SKAP2: variants seen among roughly 807,000 people sequenced by gnomAD.
SKAP2 encodes the protein src kinase-associated phosphoprotein 2.
Under a neutral mutation model 54.9 loss-of-function variants are expected in SKAP2, and 28 were observed. The ratio of observed to expected loss-of-function variants is 0.51; its 90% CI spans 0.38 to 0.70. The LOEUF (loss-of-function observed/expected upper bound fraction) is 0.70, where lower values mean the gene tolerates loss of function less well. Among genes scored for constraint, SKAP2 ranks in the 30% least tolerant of loss-of-function variants. SKAP2 has a pLI of 0.00. For synonymous variants in SKAP2, 137 were observed against 134.3 expected (o/e 1.02, Z -0.14); for missense variants, 356 against 424.1 (o/e 0.84, Z 1.41).
intron 6 of SKAP2, among the ~76,000 whole-genome samples, chr7:26,728,433 G>A (rs1787754822): frequency 6.6e-6 from 1 of 152,056 alleles, no homozygotes; most frequent in South Asian, 2.1e-4. Flanking sequence ...TTTGTCCGCG[G>A]AATCATTTTT....
chr7:26,814,598 T>C lies in SKAP2; in HGVS notation c.307+29432A>G, dbSNP rs986844353. ...AAAAAAAAAAGATTCAGTGTAAATATTTCCAACACATCAGTATCCTGCCAT... is the reference window on the plus strand; with the variant it reads ...AAAAAAAAAAGATTCAGTGTAAATACTTCCAACACATCAGTATCCTGCCAT... On this transcript the variant is annotated intron_variant, in intron 4 of 12. Transcript: ENST00000345317. Among the ~76,000 whole-genome samples the C allele has an allele frequency of 4.6e-5, 7 of 151,162 alleles. No homozygotes were observed. The East Asian group carries it at 9.7e-4, about 21-fold the overall frequency.
chr7:26,796,117 T>C (rs971285922), intron 4 of SKAP2, among the ~76,000 whole-genome samples: 4 of 152,350 alleles, frequency 2.6e-5, no homozygotes, highest in Non-Finnish European at 5.9e-5. Flanking sequence ...ATATCTATTA[T>C]AAAAAGTTAG....
intron 9 of SKAP2, among the ~76,000 whole-genome samples, chr7:26,693,840 A>T (rs2127942406): frequency 6.6e-6 from 1 of 152,326 alleles, no homozygotes; most frequent in African/African-American, 2.4e-5. Context: ...TAGCTTCCAT[A>T]TAAAAGATAA....
chr7:26,837,896 ACT>A (rs1247129133), intron 4 of SKAP2, among the ~76,000 whole-genome samples: 1 of 152,070 alleles, frequency 6.6e-6, no homozygotes, highest in African/African-American at 2.4e-5. Flanking sequence ...GGAAAAAGTA[ACT>A]CTTTTAAGAG....
intron 4 of SKAP2, among the ~76,000 whole-genome samples, chr7:26,826,482 T>A (rs542589802): frequency 2.6e-5 from 4 of 152,332 alleles, no homozygotes; most frequent in African/African-American, 9.6e-5. Context: ...TGAGTTGGGT[T>A]TCTTTTTCTG....
At chr7:26,784,173 C>A (rs1783488884) in intron 4 of SKAP2, among the ~76,000 whole-genome samples, 1 of 151,898 alleles carries the variant, frequency 6.6e-6, no homozygotes, top group African/African-American at 2.4e-5. Flanking sequence ...ACTTTCCATC[C>A]TTTAAAGCCC....
intron 4 of SKAP2, among the ~76,000 whole-genome samples, chr7:26,767,808 G>T (rs1783094565): frequency 6.6e-6 from 1 of 152,166 alleles, no homozygotes; most frequent in Admixed American, 6.5e-5. Flanking sequence ...TAATTTGCTT[G>T]CACTGTGGTC....
chr7:26,691,493 TTCAATCAATCAG>T (rs1345452878), intron 9 of SKAP2, among the ~76,000 whole-genome samples: 2 of 152,232 alleles, frequency 1.3e-5, no homozygotes, highest in Non-Finnish European at 2.9e-5. Context: ...ATTGTAACTA[TTCAATCAATCAG>T]TCAATCAATC....
chr7:26,784,999 T>G (rs1783511426), intron 4 of SKAP2, among the ~76,000 whole-genome samples: 1 of 152,136 alleles, frequency 6.6e-6, no homozygotes, highest in Admixed American at 6.5e-5. Flanking sequence ...TCTGTAAAAT[T>G]CTTCCAATTC....
chr7:26,696,638 T>C (rs1484539789), intron 9 of SKAP2, among the ~76,000 whole-genome samples: 2 of 152,154 alleles, frequency 1.3e-5, no homozygotes, highest in African/African-American at 2.4e-5. Flanking sequence ...AAATAAGCAA[T>C]AGTTGTTCAA....
rs775819356 is a variant in SKAP2 at position 26,738,817 on chromosome 7, G to C, written c.447C>G (p.Phe149Leu). Residue 149 changes from phenylalanine to leucine, a missense_variant, in exon 6 of 13, where the codon TTC (phenylalanine) becomes TTG (leucine). Transcript: ENST00000345317. ...KRWCALSKTV[F>L]YYYGSDKDKQ... Reference sequence around the variant, plus strand: ...TACCTTTATCACTTCCATAATAATAGAATACCGTTTTACTGAGAGCACACC... The same window carrying C: ...TACCTTTATCACTTCCATAATAATACAATACCGTTTTACTGAGAGCACACC... 6.2e-6 allele frequency: 10 copies of C among 1,600,126 alleles called. No individual in the cohort carries two copies. In the Admixed American group the frequency reaches 1.3e-4, roughly 21 times the overall value.
rs73276789 is a variant in SKAP2, at chr7:26,673,874, A to C, written c.988-3682T>G. 9.9e-3 allele frequency among the ~76,000 whole-genome samples: 1,502 copies of C among 152,208 alleles called. 24 individuals carry two copies. Among genetic ancestry groups the C allele is most frequent in the African/African-American group, 0.034 (1,431 of 41,554 alleles). On this transcript the variant is annotated intron_variant, in intron 11 of 12. Transcript: ENST00000345317. Reference sequence around the variant, plus strand: ...AAAGGACTAGTTATGATAAAGTGAAACAGAGACTTTATCCAACATAATAGT... The same window carrying C: ...AAAGGACTAGTTATGATAAAGTGAACCAGAGACTTTATCCAACATAATAGT...
At chr7:26,724,051 C>T (rs1356424576) in intron 9 of SKAP2, among the ~76,000 whole-genome samples, 1 of 152,068 alleles carries the variant, frequency 6.6e-6, no homozygotes, top group Non-Finnish European at 1.5e-5. Flanking sequence ...CATGTAGCTC[C>T]ACTAAACAAC....
intron 11 of SKAP2, among the ~76,000 whole-genome samples, chr7:26,680,658 C>T (rs989691658): frequency 3.3e-5 from 5 of 152,026 alleles, no homozygotes; most frequent in Non-Finnish European, 4.4e-5. Flanking sequence ...TTAATTTTAA[C>T]ACATAAAAAA....
intron 4 of SKAP2, among the ~76,000 whole-genome samples, chr7:26,836,166 TC>T (rs1231476490): frequency 6.6e-6 from 1 of 152,186 alleles, no homozygotes; most frequent in Non-Finnish European, 1.5e-5. Flanking sequence ...CTGGACCCCT[TC>T]CTTACATCTT....
At chr7:26,685,790 C>G (rs1786624726) in intron 10 of SKAP2, among the ~76,000 whole-genome samples, 1 of 152,160 alleles carries the variant, frequency 6.6e-6, no homozygotes, top group Non-Finnish European at 1.5e-5. Flanking sequence ...ACACTAAGAA[C>G]TGTTTCCTGT....
Position 26,684,820 on chromosome 7 carries a change from A to G in SKAP2, c.903T>C (p.Phe301=), listed in dbSNP as rs749903714. 2 of 1,612,110 alleles carry G rather than the reference A, an allele frequency of 1.2e-6. No homozygotes were observed. The highest frequency in any genetic ancestry group is 1.7e-5 in the Admixed American group (1 of 59,988). The change falls in exon 11 of 13, where the codon TTT becomes TTC. Residue 301 remains phenylalanine (F), a synonymous_variant. Transcript: ENST00000345317. ...SGDKSTDYAN[F]YQGLWDCTGA... is the part of the protein sequence containing the mutation. ...CAGTACAATCCCACAATCCCTGGTA[A>G]AAATTAGCATAATCAGTGCTCTTAT...
At chr7:26,660,935 C>A in the SKAP2 span, among the ~76,000 whole-genome samples, 1 of 152,034 alleles carries the variant, frequency 6.6e-6, no homozygotes, top group Admixed American at 6.6e-5. Context: ...TACTACATCA[C>A]GCTATAGATT....
At chr7:26,815,439 C>T (rs1444137804) in intron 4 of SKAP2, among the ~76,000 whole-genome samples, 1 of 151,958 alleles carries the variant, frequency 6.6e-6, no homozygotes, top group Non-Finnish European at 1.5e-5. Flanking sequence ...TCATAAATGG[C>T]CAAAGAAGAT....
Sources: gnomAD v4.1 joint callset for allele counts (sites outside exome capture counted in the v4.1 genomes callset) on GRCh38, gnomAD v4.1.1 for gene constraint, MANE v1.5 for transcripts, NCBI Gene and HGNC (gene_info 2026-07-23, HGNC 2026-07-21) for gene names.